DDB1: variants seen among roughly 807,000 people sequenced by gnomAD.
DDB1 encodes the protein DNA damage-binding protein 1.
DDB1 carries 18 observed loss-of-function variants against 133.1 expected under a neutral mutation model. That is an observed-to-expected ratio of 0.14 (90% CI 0.09 to 0.20). The LOEUF (loss-of-function observed/expected upper bound fraction) is 0.20, where lower values mean the gene tolerates loss of function less well. Among genes scored for constraint, DDB1 ranks in the 10% least tolerant of loss-of-function variants. DDB1 has a pLI of 1.00. For missense variants in DDB1, 828 were observed against 1,459.2 expected (o/e 0.57, Z 7.05); for synonymous variants, 580 against 550.5 (o/e 1.05, Z -0.75).
chr11:61,322,363 G>A lies in DDB1; in HGVS notation c.1055C>T (p.Thr352Ile). 6.2e-7 allele frequency: 1 copy of A among 1,614,186 alleles called. No individual in the cohort carries two copies. The highest frequency in any genetic ancestry group is 2.2e-5 in the East Asian group (1 of 44,892). The change falls in exon 9 of 27, where the codon ACC becomes ATC. Residue 352 changes from threonine (T) to isoleucine (I), a missense_variant. By Grantham distance (89) the Thr-to-Ile change is moderately conservative. This residue lies in a region of DDB1 where 35 missense variants were observed against 123.3 expected (regional missense o/e 0.28). Coordinates refer to ENST00000301764, the MANE Select transcript of DDB1 (RefSeq NM_001923.5). The part of the protein sequence containing the change: ...EQGSYVVAME[T>I]FTNLGPIVDM... The stretch of plus-strand genomic sequence containing the variant: ...GACAATGGGTCCTAAGTTGGTAAAG[G>A]TTTCCATGGCCACTACATAGGAGCC...
At chr11:61,312,193 C>T in intron 16 of DDB1, 109 bp from the exon 17 acceptor site, 1 of 906,440 alleles carries the variant, frequency 1.1e-6, no homozygotes, top group Non-Finnish European at 1.8e-6. Context: ...CCAGCTTTGA[C>T]TCCATGCTAA....
At chr11:61,304,876 T>TAAAA (rs757285412) in intron 21 of DDB1, among the ~76,000 whole-genome samples, 1 of 109,604 alleles carries the variant, frequency 9.1e-6, no homozygotes, top group Non-Finnish European at 1.9e-5. Context: ...AGACTCCGCC[T>TAAAA]AAAAAAAAAA....
At chr11:61,322,089 T>C in intron 9 of DDB1, 1 of 589,928 alleles carries the variant, frequency 1.7e-6, no homozygotes, top group Non-Finnish European at 3.0e-6. Context: ...TCTAGGGTAC[T>C]TGTGTAATTA....
chr11:61,300,764 T>C (rs768180890), intron 26 of DDB1, 45 bp downstream of exon 26: 2 of 1,609,754 alleles, frequency 1.2e-6, no homozygotes, highest in Admixed American at 1.7e-5. Context: ...TGCCCCAACC[T>C]GCAGTGGACT....
intron 10 of DDB1, chr11:61,321,215 T>C: frequency 6.4e-6 from 1 of 155,924 alleles, no homozygotes; most frequent in East Asian, 1.9e-4. Flanking sequence ...AAAATTCTCC[T>C]GGAATTTAGG....
At chr11:61,317,846 A>T (rs1856117328) in intron 10 of DDB1, among the ~76,000 whole-genome samples, 1 of 152,102 alleles carries the variant, frequency 6.6e-6, no homozygotes, top group Non-Finnish European at 1.5e-5. Context: ...TCTCATTCCC[A>T]TACCTCCCTC....
intron 4 of DDB1, among the ~76,000 whole-genome samples, chr11:61,328,571 G>C (rs1252874279): frequency 6.6e-6 from 1 of 152,164 alleles, no homozygotes; most frequent in African/African-American, 2.4e-5. Context: ...GACTAAAATA[G>C]AAGTTAAGAG....
chr11:61,325,922 ACT>A, intron 5 of DDB1: 1 of 626,374 alleles, frequency 1.6e-6, no homozygotes, highest in Non-Finnish European at 2.9e-6. Context: ...TTTTACTGCC[ACT>A]CTTCTGGTGT....
chr11:61,332,820 C>T (rs531652708), intron 1 of DDB1, 88 bp downstream of exon 1: 6 of 1,240,704 alleles, frequency 4.8e-6, no homozygotes, highest in Non-Finnish European at 6.3e-6. Flanking sequence ...CACTCCTGCC[C>T]GGCCGCCCCC....
intron 25 of DDB1, 79 bp from the exon 26 acceptor site, chr11:61,301,011 A>G: frequency 6.4e-7 from 1 of 1,562,244 alleles, no homozygotes; most frequent in Non-Finnish European, 8.7e-7. Flanking sequence ...TAAGACCACA[A>G]TCTAAAGCAA....
chr11:61,316,095 C>A, intron 12 of DDB1, 190 bp downstream of exon 12: 2 of 520,044 alleles, frequency 3.8e-6, no homozygotes, highest in South Asian at 3.4e-5. Flanking sequence ...AAAAATAAAG[C>A]TAAAAGGAGC....
At chr11:61,319,117 G>T (rs909310334) in intron 10 of DDB1, among the ~76,000 whole-genome samples, 1 of 152,154 alleles carries the variant, frequency 6.6e-6, no homozygotes, top group Admixed American at 6.5e-5. Context: ...ACATAGAGAA[G>T]ATCTCTTGAA....
At position 61,303,460 on chromosome 11, in the gene DDB1, G is replaced by A. The variant is rs186705926; in HGVS notation, c.2833-305C>T. On this transcript the variant is annotated intron_variant, in intron 22 of 26. Coordinates refer to ENST00000301764, the MANE Select transcript of DDB1 (RefSeq NM_001923.5). The stretch of plus-strand genomic sequence containing the variant: ...TCCCAGCACTTTGGGAGGCCGTGGC[G>A]GGCCGATTATGAGGTCAGGAGATCG... 94 of 318,024 alleles carry A rather than the reference G, an allele frequency of 3.0e-4. 1 individual carries two copies. In the Middle Eastern group the frequency reaches 3.0e-3, roughly 10 times the overall value. The allele number at this position is 318,024 out of a possible 1,614,324, so 19.7% of individuals were successfully genotyped here. A position where few individuals can be genotyped will look rare whatever the true frequency, so the allele number is the denominator to read the frequency against.
intron 7 of DDB1, chr11:61,323,386 C>T: frequency 2.6e-6 from 1 of 377,750 alleles, no homozygotes; most frequent in South Asian, 3.9e-5. Context: ...GAGCCTCCTC[C>T]CAGAACTGAA....
chr11:61,326,337 A>T (rs1173361967), intron 5 of DDB1: 105 of 200,132 alleles, frequency 5.2e-4, no homozygotes, highest in South Asian at 1.3e-3. Context: ...TTTTTTTTTT[A>T]AAGAGATGGG....
At chr11:61,308,248 T>A (rs1011246666) in intron 21 of DDB1, among the ~76,000 whole-genome samples, 11 of 152,142 alleles carry the variant, frequency 7.2e-5, no homozygotes, top group Non-Finnish European at 1.2e-4. Context: ...CTCTCACCTA[T>A]GACCTACCAC....
chr11:61,301,186 A>G (rs373343397), intron 25 of DDB1: 7 of 453,022 alleles, frequency 1.5e-5, no homozygotes, highest in East Asian at 9.2e-5. Context: ...ATTAATGTGA[A>G]GCCCGTATAT....
chr11:61,314,379 G>A lies in DDB1; in HGVS notation c.1518C>T (p.Ser506=). The change falls in exon 13 of 27, where the codon AGC becomes AGT. Residue 506 remains serine, a synonymous_variant. Transcript: ENST00000301764. ...CCCTGCCTACAGCCACCACCACCTG[G>A]CTGCTATTGCAGGAGGCCACACTGA... ...KNISVASCNS[S]QVVVAVGRAL... 6.2e-7 allele frequency: 1 copy of A among 1,614,226 alleles called. No homozygotes were observed.
At position 61,313,710 on chromosome 11, in the gene DDB1, CAG is replaced by C; in HGVS notation, c.1862-6_1862-5del. The C allele has an allele frequency of 6.2e-7, 1 of 1,603,880 alleles. No homozygotes were observed. The highest frequency in any genetic ancestry group is 8.5e-7 in the Non-Finnish European group (1 of 1,174,816). Reference sequence around the variant, plus strand: ...TTCTTACGGTCGCTCAACAGACCTACAGAGAGAATGACATCAGGAGAAAGGAA... The same window carrying C: ...TTCTTACGGTCGCTCAACAGACCTACAGAGAATGACATCAGGAGAAAGGAA... On this transcript the variant is annotated splice_region_variant and splice_polypyrimidine_tract_variant and intron_variant, in intron 15 of 26. Transcript: ENST00000301764.
Sources: allele counts gnomAD v4.1 joint callset (sites outside exome capture counted in the v4.1 genomes callset), GRCh38; gene constraint gnomAD v4.1.1; regional missense constraint gnomAD v4.1.1; transcripts MANE v1.5; gene names NCBI Gene and HGNC (gene_info 2026-07-23, HGNC 2026-07-21).